NFRKB: variants seen among roughly 807,000 people sequenced by gnomAD.
NFRKB encodes the protein nuclear factor related to kappaB binding protein.
In NFRKB, 62 loss-of-function variants were observed where a neutral mutation model predicts 135.7. The ratio of observed to expected loss-of-function variants is 0.46; its 90% CI spans 0.37 to 0.56. The LOEUF (loss-of-function observed/expected upper bound fraction) is 0.56, where lower values mean the gene tolerates loss of function less well. NFRKB is among the 20% of genes least tolerant of loss of function. The pLI, the probability that NFRKB is intolerant of heterozygous loss-of-function variation, is 0.00. For synonymous variants in NFRKB, 678 were observed against 635.6 expected (o/e 1.07, Z -1.00); for missense variants, 1,545 against 1,662.0 (o/e 0.93, Z 1.22).
At position 129,881,854 on chromosome 11, in the gene NFRKB, C is replaced by A. The variant is rs1317181438; in HGVS notation, c.1192-1G>T. On this transcript the variant is annotated splice_acceptor_variant, in intron 11 of 26. Transcript: ENST00000682444. LOFTEE classifies it high-confidence loss of function. ...GCCAATCCAAAACTCGCTCCTCTAG[C>A]TGAGGGAAAGCAAAGGCAGAACCCA... The A allele has an allele frequency of 6.3e-7, 1 of 1,596,868 alleles. No homozygotes were observed. The highest frequency in any genetic ancestry group is 1.8e-5 in the Admixed American group (1 of 56,466).
intron 6 of NFRKB, 60 bp from the exon 7 acceptor site, chr11:129,884,906 T>C (rs753305362): frequency 6.2e-7 from 1 of 1,612,282 alleles, no homozygotes; most frequent in Admixed American, 1.7e-5. Context: ...TAGGGGAGAT[T>C]GGGTAAGTGG....
intron 15 of NFRKB, among the ~76,000 whole-genome samples, chr11:129,877,913 G>C (rs773061331): frequency 6.6e-6 from 1 of 152,182 alleles, no homozygotes; most frequent in Non-Finnish European, 1.5e-5. Context: ...CTAGGACTAA[G>C]AGTCAAGAGA....
intron 24 of NFRKB, among the ~76,000 whole-genome samples, chr11:129,866,556 G>A (rs1948202399): frequency 6.6e-6 from 1 of 151,520 alleles, no homozygotes; most frequent in South Asian, 2.1e-4. Context: ...AGATAAGAGA[G>A]GTTAGCTAGG....
rs1180846825 is a variant in NFRKB, at chr11:129,874,146, G to A, written c.2246C>T (p.Ser749Phe). ...PVSAVNKSGP[S>F]TVSEPAKSSS... ...AGACTTAGCTGGTTCTGAGACTGTG[G>A]AAGGGCCGCTTTTGTTCACTGCCGA... The change falls in exon 21 of 27, where the codon TCC becomes TTC. Residue 749 changes from serine to phenylalanine, a missense_variant. Ser to Phe is a radical substitution (Grantham distance 155, BLOSUM62 -2). Transcript: ENST00000682444. This position sits in a 1 kb window ranked among gnomAD's most constrained non-coding sequence, Gnocchi z 4.5. 10 of 1,528,722 alleles carry A rather than the reference G, an allele frequency of 6.5e-6. No homozygotes were observed. The highest frequency in any genetic ancestry group is 8.8e-6 in the Non-Finnish European group (10 of 1,139,480). 94.7% of individuals were successfully genotyped at this position (1,528,722 alleles called of 1,614,324 possible).
chr11:129,878,215 A>G, intron 15 of NFRKB, 94 bp downstream of exon 15: 2 of 1,346,880 alleles, frequency 1.5e-6, no homozygotes, highest in Non-Finnish European at 2.1e-6. Context: ...AGCCCATTAC[A>G]GCTCTAGCAT....
At position 129,870,148 on chromosome 11, in the gene NFRKB, G is replaced by T. The variant is rs1348757870; in HGVS notation, c.2877C>A (p.Ser959=). Residue 959 remains serine (S), a synonymous_variant, in exon 24 of 27, where the codon TCC becomes TCA. Transcript: ENST00000682444. ...TCTGGCCCTTGGCATCTGTGGTGAT[G>T]GAAGAGGGCGGCAGACGCAATACAT... ...GKDVLRLPPS[S]ITTDAKGQTV... is the part of the protein sequence containing the mutation. 113 of 1,614,126 alleles carry T rather than the reference G, an allele frequency of 7.0e-5. No homozygotes were observed. The highest frequency in any genetic ancestry group is 9.4e-5 in the Non-Finnish European group (111 of 1,180,060).
chr11:129,891,762 C>A (rs1410768436), intron 3 of NFRKB, among the ~76,000 whole-genome samples: 1 of 152,184 alleles, frequency 6.6e-6, no homozygotes, highest in Admixed American at 6.5e-5. Flanking sequence ...TAGTGATAAA[C>A]ATGTACTTCA....
chr11:129,892,398 G>C (rs934910109), intron 3 of NFRKB, among the ~76,000 whole-genome samples: 1 of 152,126 alleles, frequency 6.6e-6, no homozygotes. Flanking sequence ...TTTTATGGCT[G>C]AGTAGTATTC....
Position 129,864,969 on chromosome 11 carries a change from T to C in NFRKB, c.3771A>G (p.Thr1257=), listed in dbSNP as rs1262164093. The C allele has an allele frequency of 5.6e-6, 9 of 1,613,374 alleles. No individual in the cohort carries two copies. The Admixed American group carries it at 1.5e-4, about 27-fold the overall frequency. The stretch of plus-strand genomic sequence containing the variant: ...AAGAATTTGCCCTGGGCCTTACCTG[T>C]GTGGCCTGACCTTGCTGCTGAAGCT... ...LQQLQQQGQA[T]QVRIQTVPAS... The change falls in exon 26 of 27, where the codon ACA becomes ACG. Residue 1257 remains threonine, a synonymous_variant. Transcript: ENST00000682444.
intron 10 of NFRKB, 121 bp from the exon 11 acceptor site, chr11:129,882,315 T>C (rs188983594): frequency 5.3e-6 from 7 of 1,329,568 alleles, no homozygotes; most frequent in Non-Finnish European, 7.3e-6. Context: ...ACAATATATT[T>C]TCCCAGCAGT....
Position 129,874,259 on chromosome 11 carries a change from A to T in NFRKB, c.2133T>A (p.Ser711Arg). 1.3e-6 allele frequency: 2 copies of T among 1,517,376 alleles called. No homozygotes were observed. The highest frequency in any genetic ancestry group is 1.8e-6 in the Non-Finnish European group (2 of 1,135,186). The allele number at this position is 1,517,376 out of a possible 1,614,324, so 94.0% of individuals were successfully genotyped here. A position where few individuals can be genotyped will look rare whatever the true frequency, so the allele number is the denominator to read the frequency against. Residue 711 changes from serine to arginine, a missense_variant, in exon 21 of 27, where the codon AGT becomes AGA. This residue lies in a region of NFRKB where 753 missense variants were observed against 804.3 expected (regional missense o/e 0.94). Transcript: ENST00000682444. This position sits in a 1 kb window ranked among gnomAD's most constrained non-coding sequence, Gnocchi z 4.5. ...GPSEQSQMSL[S>R]DSSMPPTPVT... ...CTGGGGTGGGTGGCATACTGGAGTC[A>T]CTGAGGCTCATCTGGCTCTGCTCAG...
intron 18 of NFRKB, 58 bp downstream of exon 18, chr11:129,875,299 A>G (rs961392002): frequency 1.8e-5 from 24 of 1,348,962 alleles, no homozygotes; most frequent in South Asian, 2.6e-5. Context: ...GTATTTCCTG[A>G]TAAGTTTTCT....
At chr11:129,884,647 G>T in intron 7 of NFRKB, 98 bp downstream of exon 7, 1 of 1,365,346 alleles carries the variant, frequency 7.3e-7, no homozygotes, top group Non-Finnish European at 1.0e-6. Context: ...TGTTTTCCTG[G>T]TAGGTAGGAA....
intron 24 of NFRKB, among the ~76,000 whole-genome samples, chr11:129,867,555 G>C (rs1055997311): frequency 6.6e-6 from 1 of 152,126 alleles, no homozygotes; most frequent in Non-Finnish European, 1.5e-5. Flanking sequence ...GACCTCAGGT[G>C]ATCTGCCCAC....
At chr11:129,871,470 TTC>T (rs1479132543) in intron 23 of NFRKB, among the ~76,000 whole-genome samples, 8 of 152,200 alleles carry the variant, frequency 5.3e-5, no homozygotes, top group Non-Finnish European at 7.4e-5. Flanking sequence ...GACCACACTT[TTC>T]TCTGTCTTGC....
At chr11:129,884,191 A>G (rs780512320) in intron 7 of NFRKB, 48 bp from the exon 8 acceptor site, 50 of 1,536,486 alleles carry the variant, frequency 3.3e-5, no homozygotes, top group Non-Finnish European at 7.9e-6. Flanking sequence ...TCTCCAATTT[A>G]CATCTTTCTG....
chr11:129,872,808 G>T, intron 23 of NFRKB, 76 bp downstream of exon 23: 2 of 1,440,692 alleles, frequency 1.4e-6, no homozygotes, highest in Non-Finnish European at 9.5e-7. Context: ...ATGCAGTCTG[G>T]CCAAGAACCT....
At position 129,882,611 on chromosome 11, in the gene NFRKB, G is replaced by C; in HGVS notation, c.922C>G (p.Leu308Val). ...SLAALYDLAV[L>V]KKKVKEKEEK... ...TCTTTTTCCTTAACCTTTTTTTTAAGGACAGCCAAGTCATATAAGGCTAGA... is the reference window on the plus strand; with the variant it reads ...TCTTTTTCCTTAACCTTTTTTTTAACGACAGCCAAGTCATATAAGGCTAGA... Residue 308 changes from leucine (L) to valine (V), a missense_variant, in exon 10 of 27, where the codon CTT becomes GTT. Physicochemically the swap from Leu to Val is conservative, Grantham distance 32 (BLOSUM62 1). Transcript: ENST00000682444. The C allele has an allele frequency of 6.2e-6, 10 of 1,612,976 alleles. No homozygotes were observed. Among genetic ancestry groups the C allele is most frequent in the African/African-American group, 1.3e-5 (1 of 74,618 alleles).
chr11:129,892,600 G>C (rs1181879664), intron 3 of NFRKB, 115 bp downstream of exon 3: 2 of 1,118,560 alleles, frequency 1.8e-6, no homozygotes, highest in Non-Finnish European at 2.6e-6. Context: ...CTGCAATGTA[G>C]AAAATGAACA....
Sources: gnomAD v4.1 joint callset for allele counts (sites outside exome capture counted in the v4.1 genomes callset) on GRCh38, gnomAD v4.1.1 for gene constraint, gnomAD v4.1.1 regional missense constraint, Gnocchi (gnomAD v3.1) non-coding constraint, MANE v1.5 for transcripts, NCBI Gene and HGNC (gene_info 2026-07-23, HGNC 2026-07-21) for gene names.